The following SV2C variants were observed in gnomAD, a reference collection of about 807,000 sequenced individuals.
SV2C encodes the protein synaptic vesicle glycoprotein 2C.
Under a neutral mutation model 79.7 loss-of-function variants are expected in SV2C, and 49 were observed. The ratio of observed to expected loss-of-function variants is 0.61; its 90% CI spans 0.49 to 0.78. The LOEUF is 0.78. Ranked by LOEUF, SV2C falls within the 30% of genes least tolerant of loss-of-function variation. The pLI is 0.00. For missense variants in SV2C, 833 were observed against 912.9 expected (o/e 0.91, Z 1.13); for synonymous variants, 334 against 333.2 (o/e 1.00, Z -0.03).
chr5:76,191,894 C>A (rs1561257770), intron 2 of SV2C, among the ~76,000 whole-genome samples: 1 of 152,180 alleles, frequency 6.6e-6, no homozygotes, highest in Admixed American at 6.5e-5. Flanking sequence ...ACAAGAGTCA[C>A]AGCCTGGCCT....
intron 4 of SV2C, among the ~76,000 whole-genome samples, chr5:76,238,047 CACACACACACACACACACAT>C (rs796266541): frequency 0.013 from 1,394 of 108,454 alleles, 15 homozygotes; most frequent in African/African-American, 0.087. Flanking sequence ...CACACACACA[CACACACACACACACACACAT>C]ATATATACCT....
chr5:76,125,407 A>G (rs1215278243), intron 1 of SV2C, among the ~76,000 whole-genome samples: 1 of 152,140 alleles, frequency 6.6e-6, no homozygotes, highest in African/African-American at 2.4e-5. Flanking sequence ...TAATAGAGAC[A>G]TTAGAATTTA....
At chr5:76,128,008 T>C (rs1017699869) in intron 1 of SV2C, among the ~76,000 whole-genome samples, 1 of 152,170 alleles carries the variant, frequency 6.6e-6, no homozygotes, top group African/African-American at 2.4e-5. Flanking sequence ...GGAAACTGAA[T>C]TGAAACCACT....
chr5:75,962,929 C>T, the SV2C span, among the ~76,000 whole-genome samples: 1 of 152,082 alleles, frequency 6.6e-6, no homozygotes, highest in Admixed American at 6.5e-5. Flanking sequence ...CTCAAAAGTA[C>T]ACAACAAATG....
chr5:76,203,887 G>A (rs999716023), intron 3 of SV2C, among the ~76,000 whole-genome samples: 3 of 152,192 alleles, frequency 2.0e-5, no homozygotes, highest in East Asian at 1.9e-4. Context: ...CATTGCCACT[G>A]GGCAAAGGAA....
At chr5:75,996,996 T>C in the SV2C span, among the ~76,000 whole-genome samples, 1 of 148,320 alleles carries the variant, frequency 6.7e-6, no homozygotes, top group African/African-American at 2.5e-5. Flanking sequence ...TGCCTGACTG[T>C]CCTGGCCAGA....
chr5:76,174,175 C>A (rs746487296), intron 2 of SV2C: 1 of 1,612,372 alleles, frequency 6.2e-7, no homozygotes, highest in Admixed American at 1.7e-5. Context: ...CTAGCTTATA[C>A]TCACGCATGA....
intron 4 of SV2C, among the ~76,000 whole-genome samples, chr5:76,213,454 T>C (rs1313265124): frequency 6.6e-6 from 1 of 152,180 alleles, no homozygotes; most frequent in Non-Finnish European, 1.5e-5. Flanking sequence ...ATATGAATGT[T>C]ACACTTTTTC....
intron 1 of SV2C, among the ~76,000 whole-genome samples, chr5:76,123,901 CAA>C (rs1464670517): frequency 6.6e-6 from 1 of 152,144 alleles, no homozygotes; most frequent in African/African-American, 2.4e-5. Context: ...TAGTTAGAGA[CAA>C]TAGACTTCAA....
At chr5:76,019,425 C>T in the SV2C span, among the ~76,000 whole-genome samples, 8,872 of 152,044 alleles carry the variant, frequency 0.058, 398 homozygotes, top group African/African-American at 0.11. Flanking sequence ...AAAGAAAGAC[C>T]GATGGGGCAG....
chr5:75,857,767 C>T, the SV2C span, among the ~76,000 whole-genome samples: 28 of 151,974 alleles, frequency 1.8e-4, no homozygotes, highest in Non-Finnish European at 3.1e-4. Flanking sequence ...TTTTTGTGTC[C>T]TCTTCAATTT....
intron 12 of SV2C, among the ~76,000 whole-genome samples, chr5:76,319,137 G>A (rs11750113): frequency 3.9e-5 from 6 of 152,140 alleles, no homozygotes; most frequent in Non-Finnish European, 7.4e-5. Flanking sequence ...CCAGCTGGGC[G>A]TGGTGGCTCA....
At position 76,173,049 on chromosome 5, in the gene SV2C, A is replaced by G. The variant is rs1252781977; in HGVS notation, c.581-21870A>G. ...AACACCCAAGAATTATCAATAAAAA[A>G]ATAAATTAAAAAAAAATACAAAAAA... On this transcript the variant is annotated intron_variant, in intron 2 of 12. Transcript: ENST00000502798. 6.9e-5 allele frequency among the ~76,000 whole-genome samples: 8 copies of G among 115,866 alleles called. 1 individual carries two copies. The Middle Eastern group carries it at 0.013, about 181-fold the overall frequency. The allele number at this position is 115,866 out of a possible 152,430, so 76.0% of individuals were successfully genotyped here. A position where few individuals can be genotyped will look rare whatever the true frequency, so the allele number is the denominator to read the frequency against.
At chr5:75,921,253 G>T in the SV2C span, 27 of 1,453,990 alleles carry the variant, frequency 1.9e-5, no homozygotes, top group Admixed American at 4.3e-4. Flanking sequence ...CTTTGATGAG[G>T]ATCTGCAGGT....
intron 4 of SV2C, among the ~76,000 whole-genome samples, chr5:76,235,380 G>C (rs1745580505): frequency 6.6e-6 from 1 of 152,126 alleles, no homozygotes; most frequent in Admixed American, 6.6e-5. Context: ...ATATACATTG[G>C]TTGGTAAAGG....
intron 4 of SV2C, among the ~76,000 whole-genome samples, chr5:76,210,807 C>T (rs560571684): frequency 1.3e-5 from 2 of 152,308 alleles, no homozygotes; most frequent in African/African-American, 4.8e-5. Context: ...AAAAGATGCT[C>T]CTATTACCCA....
chr5:76,100,456 G>A (rs1185743824), intron 1 of SV2C, among the ~76,000 whole-genome samples: 2 of 152,178 alleles, frequency 1.3e-5, no homozygotes, highest in African/African-American at 4.8e-5. Flanking sequence ...TATTTAAAGG[G>A]CATATGCCAA....
At chr5:76,121,978 G>A (rs1212009781) in intron 1 of SV2C, among the ~76,000 whole-genome samples, 7 of 152,024 alleles carry the variant, frequency 4.6e-5, no homozygotes, top group East Asian at 1.9e-4. Context: ...CCATTTTCAC[G>A]ATATTGATTC....
chr5:76,139,852 A>C (rs1749194421), intron 2 of SV2C, among the ~76,000 whole-genome samples: 1 of 72,070 alleles, frequency 1.4e-5, no homozygotes, highest in Non-Finnish European at 4.2e-5. Flanking sequence ...AAGCTCTTGA[A>C]AGTATTTTTT....
Sources: allele counts gnomAD v4.1 joint callset (sites outside exome capture counted in the v4.1 genomes callset), GRCh38; gene constraint gnomAD v4.1.1; transcripts MANE v1.5; gene names NCBI Gene and HGNC (gene_info 2026-07-23, HGNC 2026-07-21).